Variants in DQX1 observed in about 807,000 individuals in gnomAD.
DQX1 encodes DEAQ-box RNA dependent ATPase 1, also known as ATP-dependent RNA helicase homolog DQX1.
Under a neutral mutation model 81.3 loss-of-function variants are expected in DQX1, and 66 were observed. The observed-to-expected ratio is 0.81, with a 90% confidence interval of 0.67 to 1.00. The LOEUF is 1.00. DQX1 is among the 50% of genes least tolerant of loss of function. The probability of loss-of-function intolerance (pLI) is 0.00; values close to 1 mark genes in which losing one functional copy is unlikely to be tolerated. For missense variants in DQX1, 798 were observed against 867.9 expected (o/e 0.92, Z 1.01); for synonymous variants, 290 against 350.0 (o/e 0.83, Z 1.91).
intron 3 of DQX1, among the ~76,000 whole-genome samples, chr2:74,524,737 G>A (rs1004390260): frequency 6.6e-6 from 1 of 152,042 alleles, no homozygotes; most frequent in Non-Finnish European, 1.5e-5. Context: ...ATAAAAATTA[G>A]CCAGGCGTGG....
Position 74,525,517 on chromosome 2 carries a change from C to T in DQX1, c.213G>A (p.Glu71=), listed in dbSNP as rs1237646294. The T allele has an allele frequency of 1.3e-6, 2 of 1,552,296 alleles. No homozygotes were observed. ...CCTGGGTGCTCTTGCCAGAACCAGG[C>T]TCCCCAGACACCAGCACCACTCCAG... ...NPTGVVLVSG[E]PGSGKSTQIP... Residue 71 remains glutamate (E), a synonymous_variant, in exon 2 of 12, where the codon GAG becomes GAA. Transcript: ENST00000404568. This position sits in a 1 kb window ranked among gnomAD's most constrained non-coding sequence, Gnocchi z 4.1.
At position 74,520,008 on chromosome 2, in the gene DQX1, G is replaced by A; in HGVS notation, c.1522C>T (p.Leu508Phe). 6.2e-7 allele frequency: 1 copy of A among 1,613,926 alleles called. No individual in the cohort carries two copies. Among genetic ancestry groups the A allele is most frequent in the Non-Finnish European group, 8.5e-7 (1 of 1,179,796 alleles). Residue 508 changes from leucine to phenylalanine, a missense_variant, in exon 9 of 12, where the codon CTC becomes TTC. Physicochemically the swap from Leu to Phe is conservative, Grantham distance 22. Transcript: ENST00000404568. ...TAAPGFTRPP[L>F]SAEEAALRRA... ...CGCAGGGCAGCTTCTTCTGCACTGA[G>A]TGGAGGACGGGTAAACCCAGGGGCA...
intron 4 of DQX1, 28 bp downstream of exon 4, chr2:74,523,895 G>GTT (rs143229792): frequency 2.0e-5 from 30 of 1,514,738 alleles, no homozygotes; most frequent in South Asian, 2.6e-5. Context: ...TTTGCAGGCT[G>GTT]TTTTTTTTGT....
intron 8 of DQX1, among the ~76,000 whole-genome samples, chr2:74,521,272 TGTG>T (rs1407535150): frequency 5.9e-5 from 9 of 152,126 alleles, no homozygotes; most frequent in Non-Finnish European, 1.0e-4. Context: ...GAAAAGATTT[TGTG>T]GTGATGGTGG....
rs186761642 is a variant in DQX1, at chr2:74,518,301, C to G, written c.*145G>C. 58 of 919,514 alleles carry G rather than the reference C, an allele frequency of 6.3e-5. No homozygotes were observed. The highest frequency in any genetic ancestry group is 8.9e-5 in the Non-Finnish European group (55 of 617,958). 57.0% of individuals were successfully genotyped at this position (919,514 alleles called of 1,614,324 possible). ...TTACCCCATTCTTTCCATTCCCAGT[C>G]TACCATTTCTTGGGACTCAGGTTCC... On this transcript the variant is annotated 3_prime_UTR_variant, in exon 12 of 12. Transcript: ENST00000404568.
chr2:74,521,666 AAAAG>A (rs1025708042), intron 8 of DQX1, among the ~76,000 whole-genome samples: 9 of 151,120 alleles, frequency 6.0e-5, no homozygotes, highest in African/African-American at 1.9e-4. Flanking sequence ...AAAAAAAAGA[AAAAG>A]AAAAAAAGAA....
At position 74,518,380 on chromosome 2, in the gene DQX1, G is replaced by A; in HGVS notation, c.*66C>T. On this transcript the variant is annotated 3_prime_UTR_variant, in exon 12 of 12. Coordinates refer to ENST00000404568, the MANE Select transcript of DQX1 (RefSeq NM_133637.3). Reference sequence around the variant, plus strand: ...GCTTCTAAATCTGTCTGGGTGCTTTGGTGTCACCCTGAGGGATAATCTAAT... The same window carrying A: ...GCTTCTAAATCTGTCTGGGTGCTTTAGTGTCACCCTGAGGGATAATCTAAT... 1 of 1,563,616 alleles carries A rather than the reference G, an allele frequency of 6.4e-7. No homozygotes were observed. Among genetic ancestry groups the A allele is most frequent in the Non-Finnish European group, 8.7e-7 (1 of 1,146,852 alleles).
Position 74,525,528 on chromosome 2 carries a change from C to T in DQX1, c.202G>A (p.Val68Met), listed in dbSNP as rs1220810144. The T allele has an allele frequency of 1.3e-6, 2 of 1,552,296 alleles. No individual in the cohort carries two copies. Among genetic ancestry groups the T allele is most frequent in the Admixed American group, 2.0e-5 (1 of 51,008 alleles). ...LESNPTGVVL[V>M]SGEPGSGKST... ...TTGCCAGAACCAGGCTCCCCAGACA[C>T]CAGCACCACTCCAGTGGGGTTACTC... The change falls in exon 2 of 12, where the codon GTG (valine) becomes ATG (methionine). Residue 68 changes from valine (V) to methionine (M), a missense_variant. Physicochemically the swap from Val to Met is conservative, Grantham distance 21 (BLOSUM62 1). Transcript: ENST00000404568. This position sits in a 1 kb window ranked among gnomAD's most constrained non-coding sequence, Gnocchi z 4.1.
chr2:74,522,460 G>C (rs917603063), intron 8 of DQX1, 120 bp downstream of exon 8: 1 of 1,212,802 alleles, frequency 8.2e-7, no homozygotes, highest in Non-Finnish European at 1.2e-6. Context: ...TGGTTCTTTA[G>C]GCATTGTGAG....
chr2:74,523,248 A>G (rs758919687), intron 5 of DQX1, 30 bp from the exon 6 acceptor site: 1 of 1,614,184 alleles, frequency 6.2e-7, no homozygotes, highest in Non-Finnish European at 8.5e-7. Context: ...CAAGGCCAAG[A>G]CAGATCAGAG....
intron 8 of DQX1, among the ~76,000 whole-genome samples, chr2:74,521,136 A>G (rs970036049): frequency 6.6e-6 from 1 of 152,220 alleles, no homozygotes; most frequent in Non-Finnish European, 1.5e-5. Flanking sequence ...ACAGATGAAT[A>G]TATTTATATA....
At chr2:74,524,421 A>T (rs1675119335) in intron 3 of DQX1, 114 bp from the exon 4 acceptor site, 1 of 1,411,164 alleles carries the variant, frequency 7.1e-7, no homozygotes, top group African/African-American at 1.4e-5. Flanking sequence ...TCAGAAAAAT[A>T]TGCTGTGACT....
At position 74,518,215 on chromosome 2, in the gene DQX1, G is replaced by T. The variant is rs1482770990; in HGVS notation, c.*231C>A. Reference sequence around the variant, plus strand: ...AGTTAAGAGAATGAGGAGCATGTCAGTCCCTCTCCAATCAATAAGAGAAGG... The same window carrying T: ...AGTTAAGAGAATGAGGAGCATGTCATTCCCTCTCCAATCAATAAGAGAAGG... On this transcript the variant is annotated 3_prime_UTR_variant, in exon 12 of 12. Coordinates refer to ENST00000404568, the MANE Select transcript of DQX1 (RefSeq NM_133637.3). The T allele has an allele frequency of 6.1e-6, 3 of 490,104 alleles. No individual in the cohort carries two copies. Among genetic ancestry groups the T allele is most frequent in the Admixed American group, 3.6e-5 (1 of 27,960 alleles). The allele number at this position is 490,104 out of a possible 1,614,324, so 30.4% of individuals were successfully genotyped here.
rs1675066705 is a variant in DQX1, at chr2:74,522,922, G to A, written c.1237C>T (p.Leu413=). 1.1e-5 allele frequency: 18 copies of A among 1,614,182 alleles called. No homozygotes were observed. Among genetic ancestry groups the A allele is most frequent in the Non-Finnish European group, 1.5e-5 (18 of 1,180,036 alleles). ...PRVCEENLSS[L]VLLLKRRQIA... Reference sequence around the variant, plus strand: ...TGTCTCCTTTTTAGTAGTAACACCAGGGAGCTCAGATTCTCCTCACACACC... The same window carrying A: ...TGTCTCCTTTTTAGTAGTAACACCAAGGAGCTCAGATTCTCCTCACACACC... Residue 413 remains leucine (L), a synonymous_variant, in exon 7 of 12, where the codon CTG becomes TTG. Transcript: ENST00000404568.
chr2:74,520,291 T>C (rs532505188), intron 8 of DQX1, among the ~76,000 whole-genome samples: 4 of 152,322 alleles, frequency 2.6e-5, no homozygotes, highest in Non-Finnish European at 5.9e-5. Flanking sequence ...TAGGTGTTTG[T>C]ATATGGTACT....
At chr2:74,523,578 G>GT in intron 4 of DQX1, 41 bp from the exon 5 acceptor site, 1 of 1,576,868 alleles carries the variant, frequency 6.3e-7, no homozygotes, top group Non-Finnish European at 8.7e-7. Flanking sequence ...CAGTTCTCAC[G>GT]TTTTTTGGGG....
intron 8 of DQX1, among the ~76,000 whole-genome samples, chr2:74,522,148 A>G (rs2104338071): frequency 1.3e-5 from 2 of 152,320 alleles, no homozygotes; most frequent in South Asian, 4.1e-4. Flanking sequence ...TCAAGTGTCA[A>G]AAGAAGGTCA....
intron 11 of DQX1, 90 bp downstream of exon 11, chr2:74,518,950 A>T (rs1163251518): frequency 5.4e-6 from 7 of 1,295,942 alleles, no homozygotes; most frequent in Non-Finnish European, 7.4e-6. Flanking sequence ...AACCACTAAG[A>T]TCCCTTCCTC....
In DQX1 at chr2:74,519,256, G is replaced by A. The variant is rs186500216; in HGVS notation, c.1807-26C>T. 2.6e-4 allele frequency: 403 copies of A among 1,527,828 alleles called. 1 individual carries two copies. In the East Asian group the frequency reaches 7.1e-3, roughly 27 times the overall value. 94.6% of individuals were successfully genotyped at this position (1,527,828 alleles called of 1,614,324 possible). On this transcript the variant is annotated intron_variant, in intron 10 of 11. Coordinates refer to ENST00000404568, the MANE Select transcript of DQX1 (RefSeq NM_133637.3). ...CTTATTGAAAGGCAGAAATATTGAC[G>A]GAATAAATAAAAGGGAAGAGGCAGG...
Sources: allele counts gnomAD v4.1 joint callset (sites outside exome capture counted in the v4.1 genomes callset), GRCh38; gene constraint gnomAD v4.1.1; non-coding constraint Gnocchi (gnomAD v3.1); transcripts MANE v1.5; gene names NCBI Gene and HGNC (gene_info 2026-07-23, HGNC 2026-07-21).